Variants in RALYL observed in about 807,000 individuals in gnomAD.
RALYL encodes RALY RNA binding protein like.
In RALYL, 29 loss-of-function variants were observed where a neutral mutation model predicts 35.1. That is an observed-to-expected ratio of 0.83 (90% CI 0.61 to 1.13). The LOEUF is 1.13. Ranked by LOEUF, RALYL falls within the 50% of genes most tolerant of loss-of-function variation. RALYL has a pLI of 0.00. For missense variants in RALYL, 359 were observed against 360.4 expected (o/e 1.00, Z 0.03); for synonymous variants, 120 against 127.6 (o/e 0.94, Z 0.40).
At chr8:84,636,574 C>T (rs964087012) in intron 2 of RALYL, among the ~76,000 whole-genome samples, 5 of 151,752 alleles carry the variant, frequency 3.3e-5, no homozygotes, top group East Asian at 1.9e-4. Context: ...GCTGGACAGC[C>T]TATAATATAC....
chr8:84,658,053 C>T (rs1401482688), intron 2 of RALYL, among the ~76,000 whole-genome samples: 1 of 152,074 alleles, frequency 6.6e-6, no homozygotes, highest in Non-Finnish European at 1.5e-5. Flanking sequence ...CTCCCATGTG[C>T]AATGAAAGTT....
At chr8:84,544,139 T>C (rs1318225528) in intron 2 of RALYL, among the ~76,000 whole-genome samples, 1 of 152,038 alleles carries the variant, frequency 6.6e-6, no homozygotes, top group Admixed American at 6.6e-5. Flanking sequence ...CTTGGAGTGG[T>C]TCTCCTCTGT....
At chr8:84,851,843 C>T (rs1036421915) in intron 5 of RALYL, among the ~76,000 whole-genome samples, 3 of 152,198 alleles carry the variant, frequency 2.0e-5, no homozygotes, top group Admixed American at 6.5e-5. Context: ...TCTCGCTCAG[C>T]GCCCAGCACT....
intron 1 of RALYL, among the ~76,000 whole-genome samples, chr8:84,356,025 A>T (rs1851762179): frequency 6.7e-6 from 1 of 149,842 alleles, no homozygotes; most frequent in African/African-American, 2.5e-5. Flanking sequence ...ATGGTTTAAA[A>T]GTGTGTGGCA....
intron 2 of RALYL, among the ~76,000 whole-genome samples, chr8:84,618,476 TTCTC>T (rs1820408350): frequency 6.7e-6 from 1 of 148,374 alleles, no homozygotes; most frequent in Admixed American, 6.7e-5. Context: ...TATTTGATTC[TTCTC>T]TCTTTTTTTC....
chr8:84,185,226 C>A, intron 1 of RALYL: 1 of 598,158 alleles, frequency 1.7e-6, no homozygotes, highest in Non-Finnish European at 3.0e-6. Context: ...TGACCCTACA[C>A]CTCTAAGGTA....
intron 4 of RALYL, among the ~76,000 whole-genome samples, chr8:84,826,600 A>G (rs1419901392): frequency 1.3e-5 from 2 of 152,092 alleles, no homozygotes; most frequent in Admixed American, 6.6e-5. Context: ...TCTCTGAGGA[A>G]ATTAGTCATC....
chr8:84,620,141 GC>G (rs1383574872), intron 2 of RALYL, among the ~76,000 whole-genome samples: 1 of 152,134 alleles, frequency 6.6e-6, no homozygotes, highest in African/African-American at 2.4e-5. Context: ...ATGTTGGCCT[GC>G]CTTGCTAGAT....
rs139579314 is a variant in RALYL, at chr8:84,732,142, A to G, written c.257-42437A>G. Among the ~76,000 whole-genome samples the G allele has an allele frequency of 3.9e-3, 600 of 152,208 alleles. 7 individuals are homozygous for G. The highest frequency in any genetic ancestry group is 0.013 in the African/African-American group (549 of 41,550). ...ATCCTTATCCCTTTCATACATATAT[A>G]TTAATAAGTGTGCTTTTTGTTCAGT... On this transcript the variant is annotated intron_variant, in intron 2 of 8. Transcript: ENST00000521268.
At chr8:84,616,781 A>G (rs897308499) in intron 2 of RALYL, among the ~76,000 whole-genome samples, 5 of 151,796 alleles carry the variant, frequency 3.3e-5, no homozygotes, top group African/African-American at 1.2e-4. Flanking sequence ...AGGTGTAAGG[A>G]AGGGATCCAG....
chr8:84,495,043 T>C (rs1170790317), intron 1 of RALYL, among the ~76,000 whole-genome samples: 1 of 152,120 alleles, frequency 6.6e-6, no homozygotes, highest in Non-Finnish European at 1.5e-5. Flanking sequence ...TTGTCACAAA[T>C]TGATTTTATA....
rs189489102 is a variant in RALYL, at chr8:84,583,101, G to T, written c.256+53524G>T. On this transcript the variant is annotated intron_variant, in intron 2 of 8. Coordinates refer to ENST00000521268, the MANE Select transcript of RALYL (RefSeq NM_173848.7). The stretch of plus-strand genomic sequence containing the variant: ...ATTTCTTTGTCTCTTCATTTTCCTG[G>T]TTCAAAACTGACACAACATTTTCTT... 2.9e-3 allele frequency among the ~76,000 whole-genome samples: 437 copies of T among 152,060 alleles called. 3 individuals carry two copies. Among genetic ancestry groups the T allele is most frequent in the Non-Finnish European group, 1.9e-3 (131 of 67,904 alleles).
intron 1 of RALYL, among the ~76,000 whole-genome samples, chr8:84,512,884 A>G (rs746087574): frequency 6.6e-6 from 1 of 152,070 alleles, no homozygotes; most frequent in Non-Finnish European, 1.5e-5. Context: ...CCATTGGTCT[A>G]TATGTGTGTT....
chr8:84,694,574 T>G (rs1257491121), intron 2 of RALYL, among the ~76,000 whole-genome samples: 3 of 151,822 alleles, frequency 2.0e-5, no homozygotes, highest in Non-Finnish European at 2.9e-5. Context: ...ATAATTCCAA[T>G]GACATTCTCC....
At position 84,525,680 on chromosome 8, in the gene RALYL, T is replaced by C. The variant is rs117463525; in HGVS notation, c.-23-3619T>C. Among the ~76,000 whole-genome samples, 1,079 of 152,248 alleles carry C rather than the reference T, an allele frequency of 7.1e-3. 2 individuals carry two copies. The highest frequency in any genetic ancestry group is 0.011 in the Non-Finnish European group (758 of 68,008). On this transcript the variant is annotated intron_variant, in intron 1 of 8. Coordinates refer to ENST00000521268, the MANE Select transcript of RALYL (RefSeq NM_173848.7). ...ATATTTTTTCAATGTTTTATCCCTA[T>C]ACTACATTTTACATATTCTCTATTT...
In RALYL at chr8:84,726,849, A is replaced by T. The variant is rs553814675; in HGVS notation, c.257-47730A>T. 5.9e-4 allele frequency among the ~76,000 whole-genome samples: 90 copies of T among 152,180 alleles called. 1 individual carries two copies. The highest frequency in any genetic ancestry group is 2.0e-3 in the African/African-American group (85 of 41,544). On this transcript the variant is annotated intron_variant, in intron 2 of 8. Coordinates refer to ENST00000521268, the MANE Select transcript of RALYL (RefSeq NM_173848.7). ...GTGCTAGGCCTTGTGAGGGTTGTAA[A>T]TATAAATAAGGGCGATCCCCATCCT... is the stretch of plus-strand genomic sequence containing the variant.
chr8:84,765,434 G>T (rs1257581342), intron 2 of RALYL, among the ~76,000 whole-genome samples: 2 of 152,112 alleles, frequency 1.3e-5, no homozygotes, highest in Non-Finnish European at 2.9e-5. Flanking sequence ...TGCTTGGCAC[G>T]TGGGCTTTGC....
intron 1 of RALYL, among the ~76,000 whole-genome samples, chr8:84,469,780 C>T (rs1425057199): frequency 6.6e-6 from 1 of 152,128 alleles, no homozygotes; most frequent in African/African-American, 2.4e-5. Flanking sequence ...GCTGTGCTAG[C>T]AATCAGCGAG....
At chr8:84,451,651 A>G (rs563507341) in intron 1 of RALYL, among the ~76,000 whole-genome samples, 1 of 152,086 alleles carries the variant, frequency 6.6e-6, no homozygotes, top group South Asian at 2.1e-4. Context: ...TAATTTTCAC[A>G]ATGAAAGAGA....
Sources: allele counts gnomAD v4.1 joint callset (sites outside exome capture counted in the v4.1 genomes callset), GRCh38; gene constraint gnomAD v4.1.1; transcripts MANE v1.5; gene names NCBI Gene and HGNC (gene_info 2026-07-23, HGNC 2026-07-21).